USP49: variants seen among roughly 807,000 people sequenced by gnomAD.
The protein encoded by USP49 is ubiquitin carboxyl-terminal hydrolase 49.
Under a neutral mutation model 58.6 loss-of-function variants are expected in USP49, and 24 were observed. The observed-to-expected ratio is 0.41, with a 90% CI of 0.30 to 0.58. The LOEUF is 0.58. Ranked by LOEUF, USP49 falls within the 20% of genes least tolerant of loss-of-function variation. The pLI is 0.30. For synonymous variants in USP49, 408 were observed against 365.1 expected (o/e 1.12, Z -1.34); for missense variants, 703 against 866.1 (o/e 0.81, Z 2.36).
intron 3 of USP49, among the ~76,000 whole-genome samples, chr6:41,817,150 C>CTTT (rs34281670): frequency 0.25 from 26,251 of 104,084 alleles, 4,338 homozygotes; most frequent in Middle Eastern, 0.34. Flanking sequence ...CCCACGCATG[C>CTTT]TTTTTTTTTT....
At chr6:41,802,985 A>C (rs1773047331) in intron 5 of USP49, among the ~76,000 whole-genome samples, 1 of 152,242 alleles carries the variant, frequency 6.6e-6, no homozygotes, top group African/African-American at 2.4e-5. Flanking sequence ...ATGCACCTTA[A>C]GACTTGCTTT....
In USP49 at chr6:41,798,766, C is replaced by G; in HGVS notation, c.1834G>C (p.Gly612Arg). ...CAATAGGCTGTGTAGTGTCCTGAGC[C>G]AAACCCTTTCCCGTGATGCATGACC... Reference protein sequence around the residue: ...AVVMHHGKGFGSGHYTAYCYN... With the variant: ...AVVMHHGKGFRSGHYTAYCYN... Residue 612 changes from glycine to arginine, a missense_variant, in exon 7 of 8, where the codon GGC becomes CGC. Gly to Arg is a moderately radical substitution (Grantham distance 125). This residue lies in a region of USP49 where 158 missense variants were observed against 241.2 expected (regional missense o/e 0.66). Coordinates refer to ENST00000682992, the MANE Select transcript of USP49 (RefSeq NM_001286554.2). 6.2e-7 allele frequency: 1 copy of G among 1,614,056 alleles called. No homozygotes were observed. Among genetic ancestry groups the G allele is most frequent in the African/African-American group, 1.3e-5 (1 of 74,978 alleles).
chr6:41,858,745 A>T lies in USP49; in HGVS notation c.-29+12819T>A, dbSNP rs2127353748. Among the ~76,000 whole-genome samples, 3 of 152,114 alleles carry T rather than the reference A, an allele frequency of 2.0e-5. No individual in the cohort carries two copies. In the South Asian group the frequency reaches 6.2e-4, roughly 32 times the overall value. ...ATGTGTGCTTAGATGTTTCCTTCTC[A>T]GTGAAGCCTTCCCTGGTCACTCTAT... On this transcript the variant is annotated intron_variant, in intron 3 of 7. Coordinates refer to ENST00000682992, the MANE Select transcript of USP49 (RefSeq NM_001286554.2).
chr6:41,884,784 T>C (rs1371281681), intron 2 of USP49, among the ~76,000 whole-genome samples: 4 of 152,232 alleles, frequency 2.6e-5, no homozygotes, highest in Non-Finnish European at 5.9e-5. Context: ...AAGTCAGATA[T>C]GTTTTAATTG....
chr6:41,865,033 T>A (rs1326035609), intron 3 of USP49, among the ~76,000 whole-genome samples: 3 of 152,126 alleles, frequency 2.0e-5, no homozygotes, highest in East Asian at 3.8e-4. Flanking sequence ...CTCATTTTTT[T>A]TATTTTTATT....
At chr6:41,820,269 A>G (rs891623192) in intron 3 of USP49, among the ~76,000 whole-genome samples, 31 of 152,088 alleles carry the variant, frequency 2.0e-4, no homozygotes, top group Admixed American at 5.9e-4. Flanking sequence ...AAGTTTTAAT[A>G]TATGATATAG....
At chr6:41,849,909 G>A (rs980714723) in intron 3 of USP49, among the ~76,000 whole-genome samples, 1 of 151,974 alleles carries the variant, frequency 6.6e-6, no homozygotes, top group Non-Finnish European at 1.5e-5. Flanking sequence ...CCGGCACAAA[G>A]TATCTTTTCT....
chr6:41,846,715 T>G (rs541953165), intron 3 of USP49, among the ~76,000 whole-genome samples: 6 of 152,352 alleles, frequency 3.9e-5, no homozygotes, highest in African/African-American at 1.2e-4. Flanking sequence ...GTGTTTGGCA[T>G]GTCCTTTCAT....
chr6:41,869,280 C>T (rs1419223377), intron 3 of USP49, among the ~76,000 whole-genome samples: 2 of 152,068 alleles, frequency 1.3e-5, no homozygotes, highest in Non-Finnish European at 2.9e-5. Context: ...TACCTATAGT[C>T]CCAGCTACTC....
chr6:41,890,211 C>G (rs1358705129), intron 2 of USP49, among the ~76,000 whole-genome samples: 2 of 151,894 alleles, frequency 1.3e-5, no homozygotes, highest in African/African-American at 2.4e-5. Context: ...AATCCCGTCT[C>G]TACTAAAAAT....
At chr6:41,848,849 C>A (rs1773970181) in intron 3 of USP49, among the ~76,000 whole-genome samples, 1 of 149,522 alleles carries the variant, frequency 6.7e-6, no homozygotes, top group South Asian at 2.1e-4. Context: ...CAGTGAGACA[C>A]CGTCTAAAAA....
At chr6:41,877,811 T>A (rs910342647) in intron 2 of USP49, among the ~76,000 whole-genome samples, 1 of 152,232 alleles carries the variant, frequency 6.6e-6, no homozygotes, top group Non-Finnish European at 1.5e-5. Context: ...TCTGCCCACC[T>A]TGGCCTACAA....
rs1483855055 is a variant in USP49 at position 41,806,991 on chromosome 6, A to G, written c.-8T>C. 1 of 1,489,168 alleles carries G rather than the reference A, an allele frequency of 6.7e-7. No homozygotes were observed. The allele number at this position is 1,489,168 out of a possible 1,614,324, so 92.2% of individuals were successfully genotyped here. A position where few individuals can be genotyped will look rare whatever the true frequency, so the allele number is the denominator to read the frequency against. On this transcript the variant is annotated 5_prime_UTR_variant, in exon 4 of 8. Transcript: ENST00000682992. This position sits in a 1 kb window ranked among gnomAD's most constrained non-coding sequence, Gnocchi z 5.9. ...ATGTTTGCATCTATCCATGTCTTAT[A>G]GAAGTCGCCACTTTCTCAACCTGGC... is the stretch of plus-strand genomic sequence containing the variant.
rs1483367776 is a variant in USP49, at chr6:41,806,953, G to A, written c.31C>T (p.Arg11Trp). 8.7e-6 allele frequency: 14 copies of A among 1,606,306 alleles called. No individual in the cohort carries two copies. The highest frequency in any genetic ancestry group is 1.1e-5 in the Non-Finnish European group (13 of 1,174,752). The stretch of plus-strand genomic sequence containing the variant: ...AGGATGGAGTGGTCCTGGGCGAGCC[G>A]TAACCGCCCTACATGTTTGCATCTA... MDRCKHVGRLRLAQDHSILNP... is the reference protein window; with the variant it reads MDRCKHVGRLWLAQDHSILNP... Residue 11 changes from arginine to tryptophan, a missense_variant, in exon 4 of 8, where the codon CGG becomes TGG. Coordinates refer to ENST00000682992, the MANE Select transcript of USP49 (RefSeq NM_001286554.2). This position sits in a 1 kb window ranked among gnomAD's most constrained non-coding sequence, Gnocchi z 5.9.
chr6:41,857,208 C>T (rs1490967577), intron 3 of USP49, among the ~76,000 whole-genome samples: 1 of 152,128 alleles, frequency 6.6e-6, no homozygotes, highest in East Asian at 1.9e-4. Flanking sequence ...GTGACAGTGG[C>T]CTTGAGGCAT....
At chr6:41,851,742 CAGG>C in intron 3 of USP49, among the ~76,000 whole-genome samples, 1 of 151,568 alleles carries the variant, frequency 6.6e-6, no homozygotes, top group East Asian at 1.9e-4. Context: ...ATCACGAGAT[CAGG>C]AGTTCAAGAC....
Position 41,805,820 on chromosome 6 carries a change from C to T in USP49, c.1164G>A (p.Leu388=). 1.2e-6 allele frequency: 2 copies of T among 1,614,056 alleles called. No individual in the cohort carries two copies. The highest frequency in any genetic ancestry group is 1.7e-6 in the Non-Finnish European group (2 of 1,180,010). Residue 388 remains leucine (L), a synonymous_variant, in exon 4 of 8, where the codon CTG becomes CTA. Transcript: ENST00000682992. ...PFAMLHSVWS[L]IPAFRGYDQQ... The stretch of plus-strand genomic sequence containing the variant: ...GGTCGTAGCCGCGGAAGGCAGGGAT[C>T]AGGCTCCACACTGAGTGGAGCATGG...
At position 41,796,386 on chromosome 6, in the gene USP49, A is replaced by G. The variant is rs1772887270; in HGVS notation, c.*147T>C. 1.8e-6 allele frequency: 1 copy of G among 547,408 alleles called. No individual in the cohort carries two copies. The highest frequency in any genetic ancestry group is 3.0e-5 in the Admixed American group (1 of 33,226). 33.9% of individuals were successfully genotyped at this position (547,408 alleles called of 1,614,324 possible). On this transcript the variant is annotated 3_prime_UTR_variant, in exon 8 of 8. Transcript: ENST00000682992. Reference sequence around the variant, plus strand: ...AAAGAAAGAGACTATAAAATTTACGACAGGACACGAATCACCTGGCACCTT... The same window carrying G: ...AAAGAAAGAGACTATAAAATTTACGGCAGGACACGAATCACCTGGCACCTT...
intron 7 of USP49, chr6:41,797,559 G>A: frequency 1.1e-6 from 1 of 911,816 alleles, no homozygotes. Context: ...TCTGGAGGAT[G>A]AGGACCTAAA....
Sources: allele counts gnomAD v4.1 joint callset (sites outside exome capture counted in the v4.1 genomes callset), GRCh38; gene constraint gnomAD v4.1.1; regional missense constraint gnomAD v4.1.1; non-coding constraint Gnocchi (gnomAD v3.1); transcripts MANE v1.5; gene names NCBI Gene and HGNC (gene_info 2026-07-23, HGNC 2026-07-21).